KCNC1: variants seen among roughly 807,000 people sequenced by gnomAD.
KCNC1 encodes the protein potassium voltage-gated channel subfamily C member 1, also known as voltage-gated potassium channel KCNC1.
KCNC1 carries 8 observed loss-of-function variants against 43.4 expected under a neutral mutation model. The ratio of observed to expected loss-of-function variants is 0.18; its 90% confidence interval spans 0.11 to 0.33. KCNC1 has a LOEUF of 0.33. Among genes scored for constraint, KCNC1 ranks in the 10% least tolerant of loss-of-function variants. KCNC1 has a pLI of 1.00. For synonymous variants in KCNC1, 361 were observed against 360.5 expected (o/e 1.00, Z -0.01); for missense variants, 420 against 836.0 (o/e 0.50, Z 6.14).
At chr11:17,768,262 G>A (rs566504798) in intron 1 of KCNC1, among the ~76,000 whole-genome samples, 3 of 152,198 alleles carry the variant, frequency 2.0e-5, no homozygotes, top group Non-Finnish European at 4.4e-5. Flanking sequence ...GATTTTTCCA[G>A]ACAGAGACTG....
At position 17,779,134 on chromosome 11, in the gene KCNC1, C is replaced by A; in HGVS notation, c.1505-322C>A. Reference sequence around the variant, plus strand: ...TGACTGCATCCACACCATCCTGTTTCATCGGCCCTGCTTGGGGCCCGGGGC... The same window carrying A: ...TGACTGCATCCACACCATCCTGTTTAATCGGCCCTGCTTGGGGCCCGGGGC... On this transcript the variant is annotated intron_variant, in intron 2 of 3. Coordinates refer to ENST00000265969, the MANE Select transcript of KCNC1 (RefSeq NM_001112741.2). The surrounding 1 kb of genome is among the most constrained non-coding windows in gnomAD (Gnocchi z 7.2). 1 of 244,802 alleles carries A rather than the reference C, an allele frequency of 4.1e-6. No individual in the cohort carries two copies. The highest frequency in any genetic ancestry group is 7.8e-6 in the Non-Finnish European group (1 of 127,754). The allele number at this position is 244,802 out of a possible 1,614,324, so 15.2% of individuals were successfully genotyped here.
intron 1 of KCNC1, among the ~76,000 whole-genome samples, chr11:17,768,463 T>C (rs1849179938): frequency 6.6e-6 from 1 of 152,036 alleles, no homozygotes; most frequent in Non-Finnish European, 1.5e-5. Context: ...ATTTGGACTT[T>C]CTCTGTGGGC....
chr11:17,776,483 GCTGA>G lies in KCNC1; in HGVS notation c.1505-2968_1505-2965del, dbSNP rs1482866411. Reference sequence around the variant, plus strand: ...AGACCAGGGCAGAAAAGCCAGCTGTGCTGACTGAGGGCCCAGCCTCGGGTTCTCC... The same window carrying G: ...AGACCAGGGCAGAAAAGCCAGCTGTGCTGAGGGCCCAGCCTCGGGTTCTCC... On this transcript the variant is annotated intron_variant, in intron 2 of 3. Coordinates refer to ENST00000265969, the MANE Select transcript of KCNC1 (RefSeq NM_001112741.2). The surrounding 1 kb of genome is among the most constrained non-coding windows in gnomAD (Gnocchi z 4.4). 4 of 985,346 alleles carry G rather than the reference GCTGA, an allele frequency of 4.1e-6. No individual in the cohort carries two copies. Among genetic ancestry groups the G allele is most frequent in the Non-Finnish European group, 4.8e-6 (4 of 829,952 alleles). The allele number at this position is 985,346 out of a possible 1,614,324, so 61.0% of individuals were successfully genotyped here.
At chr11:17,775,989 G>C (rs1234333736) in intron 2 of KCNC1, 19 of 985,220 alleles carry the variant, frequency 1.9e-5, no homozygotes, top group Non-Finnish European at 2.2e-5. Context: ...ATGGAGGGGG[G>C]AGGGAGCTGG....
intron 1 of KCNC1, among the ~76,000 whole-genome samples, chr11:17,744,914 C>A (rs552930234): frequency 5.9e-5 from 9 of 152,172 alleles, no homozygotes; most frequent in Middle Eastern, 3.4e-3. Context: ...TTCCCTTCAC[C>A]CCTCAGCACA....
chr11:17,756,125 A>G (rs1565158192), intron 1 of KCNC1, among the ~76,000 whole-genome samples: 1 of 152,206 alleles, frequency 6.6e-6, no homozygotes, highest in Non-Finnish European at 1.5e-5. Flanking sequence ...CTCTCTGCCT[A>G]GAATGTGCTT....
In KCNC1 at chr11:17,779,444, AT is replaced by A; in HGVS notation, c.1505-11del. Reference sequence around the variant, plus strand: ...TTCAGTGTCTCAATAGCTTCTGCTTATATGTTTGAAGATTCCAAACTGAATG... The same window carrying A: ...TTCAGTGTCTCAATAGCTTCTGCTTAATGTTTGAAGATTCCAAACTGAATG... On this transcript the variant is annotated splice_polypyrimidine_tract_variant and intron_variant, in intron 2 of 3. Coordinates refer to ENST00000265969, the MANE Select transcript of KCNC1 (RefSeq NM_001112741.2). The surrounding 1 kb of genome is among the most constrained non-coding windows in gnomAD (Gnocchi z 7.2). 2 of 1,532,746 alleles carry A rather than the reference AT, an allele frequency of 1.3e-6. No homozygotes were observed. Among genetic ancestry groups the A allele is most frequent in the Non-Finnish European group, 1.8e-6 (2 of 1,138,362 alleles). 94.9% of individuals were successfully genotyped at this position (1,532,746 alleles called of 1,614,324 possible).
In KCNC1 at chr11:17,772,323, C is replaced by T; in HGVS notation, c.1229C>T (p.Thr410Met). 6.2e-7 allele frequency: 1 copy of T among 1,614,180 alleles called. No homozygotes were observed. Among genetic ancestry groups the T allele is most frequent in the Non-Finnish European group, 8.5e-7 (1 of 1,180,044 alleles). The change falls in exon 2 of 4, where the codon ACG becomes ATG. Residue 410 changes from threonine to methionine, a missense_variant. Around this residue, in one of 5 missense-constraint regions of KCNC1, gnomAD observed 58 missense variants for 256.9 expected, o/e 0.23. Transcript: ENST00000265969. ...TLGYGDMYPQ[T>M]WSGMLVGALC... The stretch of plus-strand genomic sequence containing the variant: ...GGCTATGGAGACATGTACCCGCAGA[C>T]GTGGTCCGGCATGCTGGTGGGGGCT...
chr11:17,748,080 A>C (rs1345710687), intron 1 of KCNC1, among the ~76,000 whole-genome samples: 1 of 152,208 alleles, frequency 6.6e-6, no homozygotes, highest in Non-Finnish European at 1.5e-5. Flanking sequence ...GCAAAGAACA[A>C]AACCACCAAA....
At chr11:17,747,221 T>C (rs1848910390) in intron 1 of KCNC1, among the ~76,000 whole-genome samples, 2 of 152,184 alleles carry the variant, frequency 1.3e-5, no homozygotes, top group South Asian at 4.1e-4. Context: ...TTGGTTCTCC[T>C]GAGCTCCCTG....
At position 17,777,004 on chromosome 11, in the gene KCNC1, G is replaced by C. The variant is rs951182126; in HGVS notation, c.1505-2452G>C. 2.0e-6 allele frequency: 2 copies of C among 985,354 alleles called. No homozygotes were observed. Among genetic ancestry groups the C allele is most frequent in the Admixed American group, 1.2e-4 (2 of 16,266 alleles). The allele number at this position is 985,354 out of a possible 1,614,324, so 61.0% of individuals were successfully genotyped here. A position where few individuals can be genotyped will look rare whatever the true frequency, so the allele number is the denominator to read the frequency against. On this transcript the variant is annotated intron_variant, in intron 2 of 3. Coordinates refer to ENST00000265969, the MANE Select transcript of KCNC1 (RefSeq NM_001112741.2). The surrounding 1 kb of genome is among the most constrained non-coding windows in gnomAD (Gnocchi z 4.3). ...TTGAGAGAAGCAGTAGGCCCTAGGG[G>C]TGTCCCGGGAATCCCCCAGGAGGGA...
intron 2 of KCNC1, among the ~76,000 whole-genome samples, chr11:17,778,479 C>T (rs1011201187): frequency 6.6e-6 from 1 of 152,248 alleles, no homozygotes; most frequent in African/African-American, 2.4e-5. Context: ...CTCCCAAATC[C>T]ATGTCCTGCT....
At chr11:17,766,062 C>T (rs1051306907) in intron 1 of KCNC1, among the ~76,000 whole-genome samples, 3 of 152,162 alleles carry the variant, frequency 2.0e-5, no homozygotes, top group Non-Finnish European at 2.9e-5. Flanking sequence ...CACCTGGGGT[C>T]GGGAGAGAGA....
At position 17,735,074 on chromosome 11, in the gene KCNC1, C is replaced by T. The variant is rs1301922221; in HGVS notation, c.-929C>T. ...CAAATCAAACCCAGCCAGGAGAACCCCCGCCTGGCCCCGTGCAGCTCCGCG... is the reference window on the plus strand; with the variant it reads ...CAAATCAAACCCAGCCAGGAGAACCTCCGCCTGGCCCCGTGCAGCTCCGCG... On this transcript the variant is annotated 5_prime_UTR_variant, in exon 1 of 4. Transcript: ENST00000265969. This position sits in a 1 kb window ranked among gnomAD's most constrained non-coding sequence, Gnocchi z 6.7. The T allele has an allele frequency of 1.3e-5, 2 of 152,132 alleles. No homozygotes were observed. The highest frequency in any genetic ancestry group is 2.9e-5 in the Non-Finnish European group (2 of 68,034). 9.4% of individuals were successfully genotyped at this position (152,132 alleles called of 1,614,324 possible). A position where few individuals can be genotyped will look rare whatever the true frequency, so the allele number is the denominator to read the frequency against.
At position 17,771,760 on chromosome 11, in the gene KCNC1, G is replaced by C. The variant is rs769612184; in HGVS notation, c.666G>C (p.Thr222=). ...GCTTCAACCCCATCGTGAACAAGACGGAGATCGAGAACGTTCGCAATGGCA... is the reference window on the plus strand; with the variant it reads ...GCTTCAACCCCATCGTGAACAAGACCGAGATCGAGAACGTTCGCAATGGCA... ...HERFNPIVNK[T]EIENVRNGTQ... is the part of the protein sequence containing the mutation. The change falls in exon 2 of 4, where the codon ACG becomes ACC. Residue 222 remains threonine (T), a synonymous_variant. Transcript: ENST00000265969. The surrounding 1 kb of genome is among the most constrained non-coding windows in gnomAD (Gnocchi z 4.7). 3.7e-6 allele frequency: 6 copies of C among 1,614,234 alleles called. No individual in the cohort carries two copies. Among genetic ancestry groups the C allele is most frequent in the Non-Finnish European group, 5.1e-6 (6 of 1,180,024 alleles).
At chr11:17,740,899 C>A (rs1444040658) in intron 1 of KCNC1, among the ~76,000 whole-genome samples, 1 of 152,148 alleles carries the variant, frequency 6.6e-6, no homozygotes, top group East Asian at 1.9e-4. Context: ...AGCGCCCAGC[C>A]AGAGGCTTCT....
At chr11:17,750,627 G>C (rs1018311940) in intron 1 of KCNC1, among the ~76,000 whole-genome samples, 50 of 152,242 alleles carry the variant, frequency 3.3e-4, no homozygotes, top group African/African-American at 1.1e-3. Flanking sequence ...AGCCCCACCT[G>C]CCCTGCTATT....
intron 1 of KCNC1, among the ~76,000 whole-genome samples, chr11:17,762,266 C>T (rs1368268050): frequency 6.6e-6 from 1 of 152,190 alleles, no homozygotes; most frequent in Non-Finnish European, 1.5e-5. Flanking sequence ...AACTCCCAGG[C>T]ACCTCCCAGC....
At chr11:17,753,576 C>T (rs956529566) in intron 1 of KCNC1, among the ~76,000 whole-genome samples, 4 of 152,240 alleles carry the variant, frequency 2.6e-5, no homozygotes, top group Non-Finnish European at 5.9e-5. Flanking sequence ...TCATCGTTCC[C>T]GACCTTTGAA....
Sources: allele counts gnomAD v4.1 joint callset (sites outside exome capture counted in the v4.1 genomes callset), GRCh38; gene constraint gnomAD v4.1.1; regional missense constraint gnomAD v4.1.1; non-coding constraint Gnocchi (gnomAD v3.1); transcripts MANE v1.5; gene names NCBI Gene and HGNC (gene_info 2026-07-23, HGNC 2026-07-21).